TAMM41: variants seen among roughly 807,000 people sequenced by gnomAD.
The protein encoded by TAMM41 is TAM41 mitochondrial translocator assembly and maintenance homolog.
In TAMM41, 36 loss-of-function variants were observed where a neutral mutation model predicts 44.1. The observed-to-expected ratio is 0.82, with a 90% CI of 0.63 to 1.08. The LOEUF (loss-of-function observed/expected upper bound fraction) is 1.08. Ranked by LOEUF, TAMM41 falls within the 50% of genes least tolerant of loss-of-function variation. TAMM41 has a pLI of 0.00. For synonymous variants in TAMM41, 164 were observed against 153.1 expected, an observed-to-expected ratio of 1.07 and a Z score of -0.53; for missense variants, 417 against 404.3, an observed-to-expected ratio of 1.03 and a Z score of -0.27.
At chr3:11,724,370 T>A in the TAMM41 span, among the ~76,000 whole-genome samples, 30 of 152,040 alleles carry the variant, frequency 2.0e-4, no homozygotes, top group Admixed American at 7.2e-4. Context: ...CCCAAAGTGC[T>A]GGGATTACAG....
chr3:11,729,539 A>ATTTTTTTTTTTTTTTTTTTTTTTTTTT, the TAMM41 span, among the ~76,000 whole-genome samples: 2 of 32,270 alleles, frequency 6.2e-5, no homozygotes, highest in Admixed American at 4.1e-4. Context: ...TCTTTCTTTC[A>ATTTTTTTTTTTTTTTTTTTTTTTTTTT]TTTTTTTTTT....
the TAMM41 span, among the ~76,000 whole-genome samples, chr3:11,732,082 G>C: frequency 6.6e-6 from 1 of 152,174 alleles, no homozygotes; most frequent in Middle Eastern, 3.4e-3. Flanking sequence ...GCCCAGTCTG[G>C]TCTCAAACTC....
chr3:11,843,083 G>A (rs2079522705), intron 2 of TAMM41, among the ~76,000 whole-genome samples: 1 of 152,120 alleles, frequency 6.6e-6, no homozygotes, highest in Non-Finnish European at 1.5e-5. Context: ...GCGTCTCCTG[G>A]CACCAAGAGG....
intron 7 of TAMM41, among the ~76,000 whole-genome samples, chr3:11,795,251 A>G (rs2077576635): frequency 1.3e-5 from 2 of 152,116 alleles, no homozygotes; most frequent in African/African-American, 4.8e-5. Context: ...ATTGACCACA[A>G]AGTCAGGTGG....
intron 3 of TAMM41, among the ~76,000 whole-genome samples, chr3:11,836,877 CA>C (rs1188213142): frequency 6.6e-6 from 1 of 152,222 alleles, no homozygotes; most frequent in Non-Finnish European, 1.5e-5. Flanking sequence ...ACTAGTCATC[CA>C]ACTTAGAAAT....
chr3:11,842,101 G>A (rs1475414284), intron 2 of TAMM41, among the ~76,000 whole-genome samples: 2 of 152,072 alleles, frequency 1.3e-5, no homozygotes, highest in African/African-American at 2.4e-5. Context: ...GCATCACTTG[G>A]GAGCTTATAA....
At chr3:11,758,829 AC>A in the TAMM41 span, among the ~76,000 whole-genome samples, 6 of 151,840 alleles carry the variant, frequency 4.0e-5, no homozygotes, top group East Asian at 1.2e-3. Context: ...ATGCACCACC[AC>A]GCCCGGCTAA....
At chr3:11,806,530 C>T (rs779616962) in intron 7 of TAMM41, among the ~76,000 whole-genome samples, 14 of 151,868 alleles carry the variant, frequency 9.2e-5, no homozygotes, top group Non-Finnish European at 1.6e-4. Flanking sequence ...TTGAGAAATT[C>T]GAGAAAATCT....
At position 11,823,267 on chromosome 3, in the gene TAMM41, T is replaced by G. The variant is rs1054867950; in HGVS notation, c.563-5930A>C. On this transcript the variant is annotated intron_variant, in intron 4 of 7. Transcript: ENST00000455809. ...GTTGTTGTTGTTGTTTTTTTTTTTT[T>G]TTTTTTGAGACAGAGTCCTGCTCTG... Among the ~76,000 whole-genome samples, 420 of 149,792 alleles carry G rather than the reference T, an allele frequency of 2.8e-3. 4 individuals are homozygous for G. Among genetic ancestry groups the G allele is most frequent in the African/African-American group, 9.6e-3 (393 of 40,960 alleles).
chr3:11,846,596 C>G lies in TAMM41; in HGVS notation c.41G>C (p.Arg14Pro). 1 of 1,614,210 alleles carries G rather than the reference C, an allele frequency of 6.2e-7. No homozygotes were observed. The highest frequency in any genetic ancestry group is 1.3e-5 in the African/African-American group (1 of 75,060). The part of the protein sequence containing the change: ...QTLQSSWVTF[R>P]KILSHFPEEL... Reference sequence around the variant, plus strand: ...CTCGGGGAAGTGAGACAGGATCTTGCGGAAGGTCACCCACGAGCTCTGCAG... The same window carrying G: ...CTCGGGGAAGTGAGACAGGATCTTGGGGAAGGTCACCCACGAGCTCTGCAG... The change falls in exon 1 of 8, where the codon CGC (arginine) becomes CCC (proline). Residue 14 changes from arginine (R) to proline (P), a missense_variant. Coordinates refer to ENST00000455809, the MANE Select transcript of TAMM41 (RefSeq NM_001284401.2).
chr3:11,750,047 C>T, the TAMM41 span, among the ~76,000 whole-genome samples: 1 of 151,964 alleles, frequency 6.6e-6, no homozygotes, highest in African/African-American at 2.4e-5. Flanking sequence ...CAGGCGCCTG[C>T]CACCACGCCC....
At chr3:11,841,341 C>T (rs1481874708) in intron 2 of TAMM41, among the ~76,000 whole-genome samples, 3 of 152,060 alleles carry the variant, frequency 2.0e-5, no homozygotes, top group Non-Finnish European at 4.4e-5. Flanking sequence ...CCTTGGCCTC[C>T]CAAAGTGCTA....
intron 4 of TAMM41, among the ~76,000 whole-genome samples, chr3:11,828,243 C>T (rs546848368): frequency 6.6e-6 from 1 of 152,254 alleles, no homozygotes; most frequent in South Asian, 2.1e-4. Context: ...CATTTTCTAC[C>T]TTCATTACTC....
At chr3:11,813,582 T>G (rs1279588686) in intron 5 of TAMM41, among the ~76,000 whole-genome samples, 2 of 151,978 alleles carry the variant, frequency 1.3e-5, no homozygotes, top group African/African-American at 2.4e-5. Flanking sequence ...AATCCTATAG[T>G]CAAGCCCACC....
chr3:11,744,869 A>T, the TAMM41 span, among the ~76,000 whole-genome samples: 2 of 148,148 alleles, frequency 1.3e-5, no homozygotes, highest in East Asian at 4.1e-4. Flanking sequence ...TCTACAGGTA[A>T]TTTTTTTTTT....
At chr3:11,800,751 A>G (rs1334757188) in intron 7 of TAMM41, among the ~76,000 whole-genome samples, 2 of 152,206 alleles carry the variant, frequency 1.3e-5, no homozygotes, top group Non-Finnish European at 2.9e-5. Flanking sequence ...ACAGCACTAT[A>G]CAGACCATCG....
chr3:11,744,348 G>A, the TAMM41 span, among the ~76,000 whole-genome samples: 7 of 152,002 alleles, frequency 4.6e-5, no homozygotes, highest in East Asian at 3.9e-4. Flanking sequence ...GATTACAGGT[G>A]TGAGCCACCA....
chr3:11,829,392 A>C (rs912354991), intron 4 of TAMM41, among the ~76,000 whole-genome samples: 12 of 152,220 alleles, frequency 7.9e-5, no homozygotes, highest in Admixed American at 7.8e-4. Context: ...ATATGGTGCA[A>C]TGTTAAAATT....
intron 1 of TAMM41, chr3:11,845,083 G>T (rs2079620571): frequency 6.8e-6 from 3 of 439,832 alleles, no homozygotes. Flanking sequence ...TCTGGAAGCT[G>T]CCGTCAGATA....
Sources: gnomAD v4.1 joint callset for allele counts (sites outside exome capture counted in the v4.1 genomes callset) on GRCh38, gnomAD v4.1.1 for gene constraint, MANE v1.5 for transcripts, NCBI Gene and HGNC (gene_info 2026-07-23, HGNC 2026-07-21) for gene names.